The following PDZRN4 variants were observed in gnomAD, a reference collection of about 807,000 sequenced individuals.
The protein encoded by PDZRN4 is PDZ domain-containing RING finger protein 4.
A neutral mutation model predicts 99.0 loss-of-function variants in PDZRN4; 70 were observed. That is an observed-to-expected ratio of 0.71 (90% CI 0.58 to 0.86). The LOEUF is 0.86. PDZRN4 is among the 40% of genes least tolerant of loss of function. The pLI is 0.00. For synonymous variants in PDZRN4, 551 were observed against 501.6 expected (o/e 1.10, Z -1.32); for missense variants, 1,474 against 1,331.2 (o/e 1.11, Z -1.67).
At chr12:41,252,318 A>G (rs1257074812) in intron 3 of PDZRN4, among the ~76,000 whole-genome samples, 2 of 152,182 alleles carry the variant, frequency 1.3e-5, no homozygotes, top group Admixed American at 1.3e-4. Context: ...AAATGCCACA[A>G]ACAGGTAAAT....
At chr12:41,263,529 A>C (rs1348410238) in intron 3 of PDZRN4, among the ~76,000 whole-genome samples, 4 of 152,180 alleles carry the variant, frequency 2.6e-5, no homozygotes, top group African/African-American at 9.7e-5. Flanking sequence ...TCCACTAAAA[A>C]TACAAAAATT....
intron 3 of PDZRN4, among the ~76,000 whole-genome samples, chr12:41,310,740 C>G (rs1951601101): frequency 6.6e-6 from 1 of 152,182 alleles, no homozygotes; most frequent in Non-Finnish European, 1.5e-5. Flanking sequence ...TTCTAAAACA[C>G]TACCATGTTG....
rs114812789 is a variant in PDZRN4, at chr12:41,216,467, T to C, written c.843+22279T>C. The stretch of plus-strand genomic sequence containing the variant: ...TGTGTTTCAAAGAGTTTGACTTGAA[T>C]ATAAGACAGAAATCATTCCTAAAAC... On this transcript the variant is annotated intron_variant, in intron 3 of 9. Coordinates refer to ENST00000402685, the MANE Select transcript of PDZRN4 (RefSeq NM_001164595.2). Among the ~76,000 whole-genome samples the C allele has an allele frequency of 8.7e-3, 1,317 of 152,110 alleles. 25 individuals carry two copies. The highest frequency in any genetic ancestry group is 0.031 in the African/African-American group (1,270 of 41,552).
intron 3 of PDZRN4, among the ~76,000 whole-genome samples, chr12:41,234,893 G>A (rs1234003064): frequency 6.6e-6 from 1 of 152,010 alleles, no homozygotes; most frequent in East Asian, 1.9e-4. Context: ...GGGACTAATT[G>A]AAGTGGACCG....
Position 41,322,487 on chromosome 12 carries a change from C to CTTTTTTTTTTT in PDZRN4, c.843+128310_843+128320dup, listed in dbSNP as rs71081724. Among the ~76,000 whole-genome samples, 10 of 91,222 alleles carry CTTTTTTTTTTT rather than the reference C, an allele frequency of 1.1e-4. 1 individual carries two copies. Among genetic ancestry groups the CTTTTTTTTTTT allele is most frequent in the Non-Finnish European group, 1.2e-4 (6 of 51,302 alleles). The allele number at this position is 91,222 out of a possible 152,430, so 59.8% of individuals were successfully genotyped here. On this transcript the variant is annotated intron_variant, in intron 3 of 9. Coordinates refer to ENST00000402685, the MANE Select transcript of PDZRN4 (RefSeq NM_001164595.2). ...ACTTTGGAAATTTAGATTTTCTTTCCTTTTTTTTTTTTTTTTTTTTTGAGA... is the reference window on the plus strand; with the variant it reads ...ACTTTGGAAATTTAGATTTTCTTTCCTTTTTTTTTTTTTTTTTTTTTTTTTTTTTTTTGAGA...
At chr12:41,360,744 C>A (rs1427012593) in intron 3 of PDZRN4, among the ~76,000 whole-genome samples, 1 of 151,898 alleles carries the variant, frequency 6.6e-6, no homozygotes, top group African/African-American at 2.4e-5. Flanking sequence ...CTAAAAATTA[C>A]CTTTTATATA....
At chr12:41,457,935 G>T (rs1166120510) in intron 3 of PDZRN4, among the ~76,000 whole-genome samples, 2 of 152,126 alleles carry the variant, frequency 1.3e-5, no homozygotes, top group East Asian at 1.9e-4. Context: ...ATGTCTTTCA[G>T]GCAAATCATT....
rs1226489178 is a variant in PDZRN4 at position 41,428,345 on chromosome 12, C to G, written c.844-78111C>G. ...GTCTGGAAATGTTATATAACCATAGCTTGTGTTTACTTATGCTTTCTTCTC... is the reference window on the plus strand; with the variant it reads ...GTCTGGAAATGTTATATAACCATAGGTTGTGTTTACTTATGCTTTCTTCTC... On this transcript the variant is annotated intron_variant, in intron 3 of 9. Transcript: ENST00000402685. Among the ~76,000 whole-genome samples, 3 of 152,132 alleles carry G rather than the reference C, an allele frequency of 2.0e-5. No homozygotes were observed. In the East Asian group the frequency reaches 5.8e-4, roughly 29 times the overall value.
At chr12:41,468,342 A>G (rs1005994121) in intron 3 of PDZRN4, among the ~76,000 whole-genome samples, 2 of 152,040 alleles carry the variant, frequency 1.3e-5, no homozygotes, top group Non-Finnish European at 2.9e-5. Flanking sequence ...TCTTAAGAAA[A>G]CTCTTTCTCA....
chr12:41,281,707 A>G (rs1328119944), intron 3 of PDZRN4, among the ~76,000 whole-genome samples: 2 of 152,204 alleles, frequency 1.3e-5, no homozygotes, highest in Non-Finnish European at 2.9e-5. Flanking sequence ...TCCAAGAAAT[A>G]TGGGACTATG....
At chr12:41,416,311 C>CA (rs1400723080) in intron 3 of PDZRN4, among the ~76,000 whole-genome samples, 3 of 151,806 alleles carry the variant, frequency 2.0e-5, no homozygotes, top group Non-Finnish European at 2.9e-5. Flanking sequence ...TTTCTGAAAA[C>CA]AAAAAAATGG....
At chr12:41,286,336 C>CTTT (rs71081721) in intron 3 of PDZRN4, among the ~76,000 whole-genome samples, 1,286 of 105,826 alleles carry the variant, frequency 0.012, no homozygotes, top group African/African-American at 0.016. Flanking sequence ...CCTTCTTCTT[C>CTTT]TTTTTTTTTT....
Position 41,511,285 on chromosome 12 carries a change from T to C in PDZRN4, c.1203+1372T>C, listed in dbSNP as rs1938299834. Among the ~76,000 whole-genome samples, 5 of 152,092 alleles carry C rather than the reference T, an allele frequency of 3.3e-5. No homozygotes were observed. In the South Asian group the frequency reaches 8.3e-4, roughly 25 times the overall value. Reference sequence around the variant, plus strand: ...AAAGCCCTTTAAATGAATCAGCATGTCATTGAAATATTACAATACAGACAG... The same window carrying C: ...AAAGCCCTTTAAATGAATCAGCATGCCATTGAAATATTACAATACAGACAG... On this transcript the variant is annotated intron_variant, in intron 5 of 9. Coordinates refer to ENST00000402685, the MANE Select transcript of PDZRN4 (RefSeq NM_001164595.2).
At position 41,295,680 on chromosome 12, in the gene PDZRN4, A is replaced by G. The variant is rs551795856; in HGVS notation, c.843+101492A>G. On this transcript the variant is annotated intron_variant, in intron 3 of 9. Coordinates refer to ENST00000402685, the MANE Select transcript of PDZRN4 (RefSeq NM_001164595.2). The stretch of plus-strand genomic sequence containing the variant: ...CACAAAATAAGCTCATATGAATGTG[A>G]TATAACATGTCTGAACAGGATCTAG... Among the ~76,000 whole-genome samples the G allele has an allele frequency of 2.6e-5, 4 of 152,316 alleles. No individual in the cohort carries two copies. The South Asian group carries it at 8.3e-4, about 32-fold the overall frequency.
intron 5 of PDZRN4, among the ~76,000 whole-genome samples, chr12:41,538,269 C>G (rs187170611): frequency 6.6e-6 from 1 of 151,918 alleles, no homozygotes; most frequent in Admixed American, 6.5e-5. Flanking sequence ...AGAAATTTTT[C>G]TTTGAATACA....
At chr12:41,336,969 C>T (rs186520360) in intron 3 of PDZRN4, among the ~76,000 whole-genome samples, 1 of 152,146 alleles carries the variant, frequency 6.6e-6, no homozygotes, top group African/African-American at 2.4e-5. Flanking sequence ...AGTTCAGACT[C>T]TTGGAGCCAG....
chr12:41,528,745 C>T (rs934009299), intron 5 of PDZRN4, among the ~76,000 whole-genome samples: 13 of 152,124 alleles, frequency 8.5e-5, no homozygotes, highest in African/African-American at 3.1e-4. Context: ...ACTACAGTTT[C>T]CTTTACTTTC....
chr12:41,562,435 T>A (rs1939285364), intron 7 of PDZRN4, among the ~76,000 whole-genome samples: 1 of 152,136 alleles, frequency 6.6e-6, no homozygotes, highest in Non-Finnish European at 1.5e-5. Context: ...CATTAGATTA[T>A]TGAAAAAAGA....
At chr12:41,336,160 A>G (rs1365171616) in intron 3 of PDZRN4, among the ~76,000 whole-genome samples, 1 of 152,168 alleles carries the variant, frequency 6.6e-6, no homozygotes, top group East Asian at 1.9e-4. Context: ...GGCCAATAAT[A>G]TGCCAAATCT....
Sources: allele counts gnomAD v4.1 joint callset (sites outside exome capture counted in the v4.1 genomes callset), GRCh38; gene constraint gnomAD v4.1.1; transcripts MANE v1.5; gene names NCBI Gene and HGNC (gene_info 2026-07-23, HGNC 2026-07-21).